The following PCDH11X variants were observed in gnomAD, a reference collection of about 807,000 sequenced individuals.
PCDH11X encodes the protein protocadherin 11 X-linked, also known as protocadherin-11 X-linked.
In PCDH11X, 18 loss-of-function variants were observed where a neutral mutation model predicts 53.3. The ratio of observed to expected loss-of-function variants is 0.34; its 90% CI spans 0.23 to 0.50. The LOEUF (loss-of-function observed/expected upper bound fraction) is 0.50. PCDH11X is among the 20% of genes least tolerant of loss of function. PCDH11X has a pLI of 0.98. For missense variants in PCDH11X, 570 were observed against 1,032.4 expected (o/e 0.55, Z 6.14); for synonymous variants, 279 against 393.3 (o/e 0.71, Z 3.44).
At chrX:92,222,406 GT>G (rs758424548) in intron 7 of PCDH11X, among the ~76,000 whole-genome samples, 1 of 111,389 alleles carries the variant, frequency 9.0e-6, no homozygotes, top group African/African-American at 3.3e-5. Context: ...TGTCTGTTTT[GT>G]TTTATTTTCT....
At chrX:91,837,974 G>A (rs1937364688) in intron 5 of PCDH11X, among the ~76,000 whole-genome samples, 2 of 111,823 alleles carry the variant, frequency 1.8e-5, no homozygotes, top group Admixed American at 9.5e-5. Flanking sequence ...AATAAAAAAC[G>A]TTTATTTGGA....
At chrX:92,505,152 C>CTTTTTTT (rs58620449) in intron 10 of PCDH11X, among the ~76,000 whole-genome samples, 272 of 64,081 alleles carry the variant, frequency 4.2e-3, no homozygotes, top group African/African-American at 6.1e-3. Flanking sequence ...TTTCTTTTTT[C>CTTTTTTT]TTTTTTTTTT....
At chrX:92,382,269 T>C (rs944052559) in intron 8 of PCDH11X, among the ~76,000 whole-genome samples, 2 of 111,842 alleles carry the variant, frequency 1.8e-5, no homozygotes, top group Non-Finnish European at 3.8e-5. Flanking sequence ...TTACTCTTTC[T>C]AATCAGAGTT....
At chrX:91,839,568 C>T (rs1937438768) in intron 5 of PCDH11X, among the ~76,000 whole-genome samples, 1 of 108,129 alleles carries the variant, frequency 9.2e-6, no homozygotes, top group African/African-American at 3.4e-5. Context: ...TGCGCCATTG[C>T]AATCCAGCCC....
intron 6 of PCDH11X, among the ~76,000 whole-genome samples, chrX:91,964,797 C>T (rs1045072800): frequency 9.0e-6 from 1 of 111,460 alleles, no homozygotes; most frequent in Non-Finnish European, 1.9e-5. Context: ...CATGTGGTGT[C>T]AGATGATCTT....
chrX:91,983,604 C>G, intron 6 of PCDH11X: 1 of 395,432 alleles, frequency 2.5e-6, no homozygotes, highest in East Asian at 4.7e-5. Flanking sequence ...CGGGGCCCAA[C>G]TCCCGTTTTT....
chrX:91,950,040 C>T (rs1055522767), intron 6 of PCDH11X, among the ~76,000 whole-genome samples: 17 of 110,690 alleles, frequency 1.5e-4, no homozygotes, highest in Non-Finnish European at 3.2e-4. Context: ...ATGATTTATA[C>T]TAGCATGTTA....
chrX:91,922,467 C>T (rs1484621721), intron 6 of PCDH11X, among the ~76,000 whole-genome samples: 1 of 111,547 alleles, frequency 9.0e-6, no homozygotes, highest in African/African-American at 3.3e-5. Context: ...GTACTGGTCC[C>T]TGACCTGTTA....
At chrX:91,917,191 A>T (rs773564794) in intron 6 of PCDH11X, among the ~76,000 whole-genome samples, 1 of 109,579 alleles carries the variant, frequency 9.1e-6, no homozygotes, top group South Asian at 4.0e-4. Context: ...TGTGACAAAC[A>T]CATAGCCAGC....
In PCDH11X at chrX:92,575,907, A is replaced by G. The variant is rs1243912552; in HGVS notation, c.3368-42357A>G. Among the ~76,000 whole-genome samples the G allele has an allele frequency of 7.2e-3, 64 of 8,855 alleles. No homozygotes were observed. In the East Asian group the frequency reaches 0.14, roughly 19 times the overall value. 7.7% of individuals were successfully genotyped at this position (8,855 alleles called of 115,157 possible). On this transcript the variant is annotated intron_variant, in intron 10 of 10. Transcript: ENST00000682573. ...GAATTTTGTAGGTTACCTGGTGTGT[A>G]TATATATATATATATATATATATAT...
Position 92,485,229 on chromosome X carries a change from A to T in PCDH11X, c.3367+16907A>T, listed in dbSNP as rs190668837. Reference sequence around the variant, plus strand: ...TAAATTCAAGTTTTTAAGTATATTTAAAAAGATGTCTAACATAAATATATA... The same window carrying T: ...TAAATTCAAGTTTTTAAGTATATTTTAAAAGATGTCTAACATAAATATATA... On this transcript the variant is annotated intron_variant, in intron 10 of 10. Transcript: ENST00000682573. Among the ~76,000 whole-genome samples, 19 of 111,074 alleles carry T rather than the reference A, an allele frequency of 1.7e-4. No homozygotes were observed. The Admixed American group carries it at 1.8e-3, about 11-fold the overall frequency.
intron 6 of PCDH11X, among the ~76,000 whole-genome samples, chrX:91,891,959 C>A (rs1202793409): frequency 1.1e-5 from 1 of 92,252 alleles, no homozygotes; most frequent in African/African-American, 3.9e-5. Flanking sequence ...AGAAAAAAAG[C>A]ACATAAAAGT....
In PCDH11X at chrX:92,318,643, A is replaced by G. The variant is rs1040201430; in HGVS notation, c.3144+55500A>G. Reference sequence around the variant, plus strand: ...ATGGATGTAGGACAGCACCATTATTATTTCAAAGCACCTTAGCCTGGGAAT... The same window carrying G: ...ATGGATGTAGGACAGCACCATTATTGTTTCAAAGCACCTTAGCCTGGGAAT... On this transcript the variant is annotated intron_variant, in intron 8 of 10. Transcript: ENST00000682573. Among the ~76,000 whole-genome samples the G allele has an allele frequency of 4.5e-5, 5 of 111,601 alleles. No homozygotes were observed. The Admixed American group carries it at 4.8e-4, about 11-fold the overall frequency.
In PCDH11X at chrX:92,150,014, G is replaced by T. The variant is rs755611046; in HGVS notation, c.3034-51361G>T. 1.2e-4 allele frequency among the ~76,000 whole-genome samples: 13 copies of T among 111,956 alleles called. 1 individual carries two copies. Among genetic ancestry groups the T allele is most frequent in the South Asian group, 1.1e-3 (3 of 2,736 alleles). ...TTCATTCATCCATTGATAGGCATTT[G>T]TGTTGTTTCCTTTTTGTCTATTATG... On this transcript the variant is annotated intron_variant, in intron 6 of 10. Transcript: ENST00000682573.
chrX:92,441,872 A>G (rs2072523297), intron 9 of PCDH11X, among the ~76,000 whole-genome samples: 2 of 110,268 alleles, frequency 1.8e-5, no homozygotes, highest in Admixed American at 9.6e-5. Flanking sequence ...AAAAGCCACA[A>G]ACACTCAACA....
At chrX:92,200,517 G>A (rs2066371274) in intron 6 of PCDH11X, among the ~76,000 whole-genome samples, 2 of 112,203 alleles carry the variant, frequency 1.8e-5, no homozygotes, top group Admixed American at 1.9e-4. Flanking sequence ...CAATAGCCAA[G>A]ATATAGGATA....
At chrX:92,218,640 C>T (rs149959804) in intron 7 of PCDH11X, among the ~76,000 whole-genome samples, 18,413 of 110,718 alleles carry the variant, frequency 0.17, 1,312 homozygotes, top group Admixed American at 0.29. Flanking sequence ...TGGTACCATT[C>T]CTTGTGAAAC....
intron 6 of PCDH11X, among the ~76,000 whole-genome samples, chrX:91,981,514 A>G (rs2062138340): frequency 2.7e-5 from 3 of 111,588 alleles, no homozygotes; most frequent in African/African-American, 9.8e-5. Flanking sequence ...GATTCATTAG[A>G]AAAAAAATGA....
intron 6 of PCDH11X, among the ~76,000 whole-genome samples, chrX:92,129,962 G>GCGCACA (rs906628157): frequency 5.2e-4 from 58 of 111,471 alleles, no homozygotes; most frequent in Non-Finnish European, 1.0e-3. Context: ...TGGCTTATAT[G>GCGCACA]CGCACACGCA....
Sources: allele counts gnomAD v4.1 joint callset (sites outside exome capture counted in the v4.1 genomes callset), GRCh38; gene constraint gnomAD v4.1.1; transcripts MANE v1.5; gene names NCBI Gene and HGNC (gene_info 2026-07-23, HGNC 2026-07-21).